TMEM217: variants seen among roughly 807,000 people sequenced by gnomAD.
The protein encoded by TMEM217 is transmembrane protein 217.
For missense variants in TMEM217, 204 were observed against 248.8 expected, an observed-to-expected ratio of 0.82 and a Z score of 1.21; for synonymous variants, 76 against 88.3, an observed-to-expected ratio of 0.86 and a Z score of 0.78.
chr6:37,228,638 A>G (rs983682796), intron 1 of TMEM217, among the ~76,000 whole-genome samples: 3 of 152,054 alleles, frequency 2.0e-5, no homozygotes, highest in African/African-American at 7.2e-5. Flanking sequence ...TGGGAGGCGG[A>G]GGTTGCAGTG....
chr6:37,233,917 A>T (rs1764346829), intron 1 of TMEM217, among the ~76,000 whole-genome samples: 1 of 152,136 alleles, frequency 6.6e-6, no homozygotes, highest in Non-Finnish European at 1.5e-5. Flanking sequence ...AGCCATTCTG[A>T]TTTTCACTTT....
chr6:37,242,158 C>T (rs975975347), intron 1 of TMEM217, among the ~76,000 whole-genome samples: 11 of 152,254 alleles, frequency 7.2e-5, no homozygotes, highest in African/African-American at 2.6e-4. Flanking sequence ...GTCCAGACTT[C>T]AGTGGTCCCA....
At chr6:37,215,118 G>T, downstream of TMEM217, 5 of 1,571,958 alleles carry the variant, frequency 3.2e-6, no homozygotes, top group South Asian at 1.2e-5. Flanking sequence ...CTCTCTCTTG[G>T]GTCACTATAA....
At chr6:37,256,706 C>CA (rs2113949849) in intron 1 of TMEM217, among the ~76,000 whole-genome samples, 1 of 126,916 alleles carries the variant, frequency 7.9e-6, no homozygotes, top group Non-Finnish European at 1.5e-5. Context: ...AAGTATTCTC[C>CA]AATATGTGGA....
intron 1 of TMEM217, among the ~76,000 whole-genome samples, chr6:37,250,513 T>C (rs1765341944): frequency 6.6e-6 from 1 of 152,234 alleles, no homozygotes; most frequent in South Asian, 2.1e-4. Flanking sequence ...AAAAGCCATT[T>C]TGGAGAACAT....
chr6:37,214,471 C>T (rs540248610), downstream of TMEM217, among the ~76,000 whole-genome samples: 5 of 152,314 alleles, frequency 3.3e-5, no homozygotes, highest in East Asian at 9.7e-4. Flanking sequence ...AAGTGATCTG[C>T]CCGCCTCGGC....
chr6:37,229,499 C>A (rs551329865), intron 1 of TMEM217, among the ~76,000 whole-genome samples: 55 of 152,020 alleles, frequency 3.6e-4, no homozygotes, highest in African/African-American at 1.3e-3. Context: ...CCCGCCACCA[C>A]GCCCGGCTAA....
At chr6:37,234,720 A>G (rs1764398271) in intron 1 of TMEM217, among the ~76,000 whole-genome samples, 1 of 152,108 alleles carries the variant, frequency 6.6e-6, no homozygotes, top group Non-Finnish European at 1.5e-5. Context: ...TAGGCGACAG[A>G]GTGAGACTCC....
In TMEM217 at chr6:37,238,615, A is replaced by G. The variant is rs1028240269; in HGVS notation, c.-12+18953T>C. Among the ~76,000 whole-genome samples the G allele has an allele frequency of 7.2e-5, 11 of 152,318 alleles. No homozygotes were observed. The South Asian group carries it at 2.3e-3, about 32-fold the overall frequency. On this transcript the variant is annotated intron_variant, in intron 1 of 1. Transcript: ENST00000357219. ...CTTTTGCCTTTCCTGGTAAGAGAAG[A>G]TGATGTGGCTGGCACCATTCTCACT...
chr6:37,240,317 G>A (rs994879772), intron 1 of TMEM217, among the ~76,000 whole-genome samples: 3 of 152,210 alleles, frequency 2.0e-5, no homozygotes, highest in African/African-American at 7.2e-5. Flanking sequence ...CCATCTAAAG[G>A]CTCTACTTGT....
exon 2 of TMEM217, chr6:37,218,318 G>T: frequency 1.7e-6 from 2 of 1,148,844 alleles, no homozygotes; most frequent in Non-Finnish European, 2.4e-6. Flanking sequence ...ACAGGTGTGT[G>T]CCGCCACGCC....
chr6:37,246,170 C>T (rs1765068860), intron 1 of TMEM217, among the ~76,000 whole-genome samples: 1 of 151,726 alleles, frequency 6.6e-6, no homozygotes, highest in South Asian at 2.1e-4. Flanking sequence ...TTCTCTTCTA[C>T]TTCTCCTCTA....
At chr6:37,222,499 G>A (rs1763585302) in intron 1 of TMEM217, among the ~76,000 whole-genome samples, 1 of 152,178 alleles carries the variant, frequency 6.6e-6, no homozygotes, top group South Asian at 2.1e-4. Context: ...CCTGCACCTA[G>A]GAGGTCCCGC....
rs1765232743 is a variant in TMEM217 at position 37,248,789 on chromosome 6, T to C, written c.-12+8779A>G. Among the ~76,000 whole-genome samples, 8 of 152,216 alleles carry C rather than the reference T, an allele frequency of 5.3e-5. No homozygotes were observed. The South Asian group carries it at 1.7e-3, about 32-fold the overall frequency. ...GAGGGAGATCAACTTTTTCTTTATA[T>C]CCTGCATGAGCTTCCTAGGACTTCT... On this transcript the variant is annotated intron_variant, in intron 1 of 1. Transcript: ENST00000357219.
At chr6:37,213,971 T>C (rs560240741), downstream of TMEM217, among the ~76,000 whole-genome samples, 4 of 152,298 alleles carry the variant, frequency 2.6e-5, no homozygotes, top group African/African-American at 9.6e-5. Context: ...GGGGGACAAC[T>C]TGTTGGAAGC....
chr6:37,244,608 A>G (rs190238202), intron 1 of TMEM217, among the ~76,000 whole-genome samples: 1 of 152,360 alleles, frequency 6.6e-6, no homozygotes, highest in African/African-American at 2.4e-5. Context: ...ATTTAAGCAG[A>G]AAAACCATGG....
At chr6:37,216,941 A>G (rs1356247361), downstream of TMEM217, among the ~76,000 whole-genome samples, 1 of 152,198 alleles carries the variant, frequency 6.6e-6, no homozygotes, top group Non-Finnish European at 1.5e-5. Flanking sequence ...TGGCACCTTG[A>G]TATTGAACTT....
chr6:37,245,599 A>G (rs1011274889), intron 1 of TMEM217, among the ~76,000 whole-genome samples: 1 of 152,174 alleles, frequency 6.6e-6, no homozygotes. Context: ...TGAGTTTCAT[A>G]GAGTGGGAAA....
chr6:37,251,690 C>T (rs1265401081), intron 1 of TMEM217, among the ~76,000 whole-genome samples: 4 of 152,244 alleles, frequency 2.6e-5, no homozygotes, highest in Admixed American at 1.3e-4. Flanking sequence ...AACTCAGGAT[C>T]GTGGTTTCCA....
Sources: gnomAD v4.1 joint callset for allele counts (sites outside exome capture counted in the v4.1 genomes callset) on GRCh38, gnomAD v4.1.1 for gene constraint, MANE v1.5 for transcripts, NCBI Gene and HGNC (gene_info 2026-07-23, HGNC 2026-07-21) for gene names.